ST3GAL3: variants seen among roughly 807,000 people sequenced by gnomAD.
ST3GAL3 encodes the protein CMP-N-acetylneuraminate-beta-1,4-galactoside alpha-2,3-sialyltransferase.
A neutral mutation model predicts 50.1 loss-of-function variants in ST3GAL3; 21 were observed. The ratio of observed to expected loss-of-function variants is 0.42; its 90% CI spans 0.30 to 0.60. ST3GAL3 has a LOEUF of 0.60. Ranked by LOEUF, ST3GAL3 falls within the 20% of genes least tolerant of loss-of-function variation. The probability of loss-of-function intolerance (pLI) is 0.19; values close to 1 mark genes in which losing one functional copy is unlikely to be tolerated. For synonymous variants in ST3GAL3, 183 were observed against 190.0 expected, an observed-to-expected ratio of 0.96 and a Z score of 0.30; for missense variants, 353 against 489.4, an observed-to-expected ratio of 0.72 and a Z score of 2.63.
chr1:43,733,013 C>T (rs138395392), intron 1 of ST3GAL3, among the ~76,000 whole-genome samples: 25 of 148,072 alleles, frequency 1.7e-4, no homozygotes, highest in African/African-American at 6.2e-4. Context: ...CAGCATCTCT[C>T]TGTTGCCCAG....
In ST3GAL3 at chr1:43,894,449, C is replaced by T. The variant is rs751856791; in HGVS notation, c.369C>T (p.Phe123=). The change falls in exon 6 of 12, where the codon TTC becomes TTT. Residue 123 remains phenylalanine (F), a synonymous_variant. Coordinates refer to ENST00000347631, the MANE Select transcript of ST3GAL3 (RefSeq NM_006279.5). ...SFRKWARIRE[F]VPPFGIKGQD... ...GCAAGTGGGCTAGAATCCGGGAGTT[C>T]GTGCCGCCTTTTGGGATCAAAGGTC... is the stretch of plus-strand genomic sequence containing the variant. 13 of 1,614,110 alleles carry T rather than the reference C, an allele frequency of 8.1e-6. No individual in the cohort carries two copies. The highest frequency in any genetic ancestry group is 3.3e-5 in the Admixed American group (2 of 60,024).
intron 9 of ST3GAL3, among the ~76,000 whole-genome samples, chr1:43,900,518 C>T (rs539287179): frequency 7.9e-5 from 12 of 151,880 alleles, no homozygotes; most frequent in African/African-American, 2.9e-4. Flanking sequence ...TTGTCCAGGC[C>T]CACTCCCCCA....
intron 6 of ST3GAL3, among the ~76,000 whole-genome samples, chr1:43,895,066 A>T (rs2077206806): frequency 6.6e-6 from 1 of 152,200 alleles, no homozygotes; most frequent in Non-Finnish European, 1.5e-5. Context: ...AGTTCTGGTG[A>T]GGGCAGTACA....
intron 1 of ST3GAL3, among the ~76,000 whole-genome samples, chr1:43,734,814 A>C (rs1467695272): frequency 6.6e-6 from 1 of 151,706 alleles, no homozygotes; most frequent in African/African-American, 2.4e-5. Context: ...TTTATACATC[A>C]TTTTTTTCTC....
intron 5 of ST3GAL3, among the ~76,000 whole-genome samples, chr1:43,875,488 C>A (rs923494400): frequency 2.6e-5 from 4 of 152,132 alleles, no homozygotes; most frequent in African/African-American, 9.7e-5. Flanking sequence ...ACCCATATTT[C>A]ATCTTGAATT....
Position 43,745,826 on chromosome 1 carries a change from G to A in ST3GAL3, c.118+9446G>A, listed in dbSNP as rs183362629. On this transcript the variant is annotated intron_variant, in intron 2 of 11. Coordinates refer to ENST00000347631, the MANE Select transcript of ST3GAL3 (RefSeq NM_006279.5). ...CTATTTTCAGTAGAGACAGGGCTTC[G>A]CCATGTTGGCCAGGCTGGTCTTGAA... Among the ~76,000 whole-genome samples the A allele has an allele frequency of 4.1e-4, 62 of 152,200 alleles. No individual in the cohort carries two copies. The South Asian group carries it at 5.0e-3, about 12-fold the overall frequency.
intron 3 of ST3GAL3, among the ~76,000 whole-genome samples, chr1:43,795,420 G>A (rs1241622404): frequency 6.6e-6 from 1 of 152,086 alleles, no homozygotes; most frequent in Non-Finnish European, 1.5e-5. Context: ...TACCAGCTTC[G>A]ACACCTAGTT....
At chr1:43,886,504 G>A (rs1341206698) in intron 5 of ST3GAL3, among the ~76,000 whole-genome samples, 1 of 152,138 alleles carries the variant, frequency 6.6e-6, no homozygotes, top group African/African-American at 2.4e-5. Flanking sequence ...CAATTATTAT[G>A]TGCCTATTAA....
intron 9 of ST3GAL3, among the ~76,000 whole-genome samples, chr1:43,905,659 T>C (rs145380389): frequency 0.12 from 246 of 2,136 alleles, 58 homozygotes; most frequent in South Asian, 0.5. Flanking sequence ...TCCTCCTGCT[T>C]CTCTTCCCGC....
At chr1:43,815,330 C>T (rs562519529) in intron 4 of ST3GAL3, among the ~76,000 whole-genome samples, 11 of 152,316 alleles carry the variant, frequency 7.2e-5, no homozygotes, top group African/African-American at 2.6e-4. Context: ...CCCTGTCTTA[C>T]TCTCCAGTTT....
intron 2 of ST3GAL3, among the ~76,000 whole-genome samples, chr1:43,748,389 T>G (rs902665572): frequency 6.6e-6 from 1 of 151,728 alleles, no homozygotes; most frequent in African/African-American, 2.4e-5. Flanking sequence ...GATGCCTATG[T>G]ATTGGAACAC....
At chr1:43,821,217 T>G (rs2062047685) in intron 4 of ST3GAL3, among the ~76,000 whole-genome samples, 1 of 152,210 alleles carries the variant, frequency 6.6e-6, no homozygotes, top group Non-Finnish European at 1.5e-5. Flanking sequence ...TAAAGGGTAG[T>G]ATTGCTGGAT....
At chr1:43,733,163 C>T (rs1489300697) in intron 1 of ST3GAL3, among the ~76,000 whole-genome samples, 1 of 152,018 alleles carries the variant, frequency 6.6e-6, no homozygotes, top group Non-Finnish European at 1.5e-5. Context: ...TCCAGCTAAT[C>T]TTAAAATTTT....
At chr1:43,774,458 G>C (rs1696445210) in intron 2 of ST3GAL3, among the ~76,000 whole-genome samples, 1 of 152,136 alleles carries the variant, frequency 6.6e-6, no homozygotes, top group African/African-American at 2.4e-5. Context: ...CCACTCTCTG[G>C]GATCTTCAGG....
chr1:43,723,040 GC>G (rs1471059005), intron 1 of ST3GAL3, among the ~76,000 whole-genome samples: 2 of 151,998 alleles, frequency 1.3e-5, no homozygotes, highest in Non-Finnish European at 2.9e-5. Flanking sequence ...TGCAGTCCCT[GC>G]ATAATGAGTG....
intron 4 of ST3GAL3, among the ~76,000 whole-genome samples, chr1:43,835,237 G>A (rs1249657914): frequency 6.6e-6 from 1 of 152,110 alleles, no homozygotes; most frequent in Non-Finnish European, 1.5e-5. Flanking sequence ...GCCTTAGAGA[G>A]ACTGACTATT....
intron 4 of ST3GAL3, among the ~76,000 whole-genome samples, chr1:43,815,580 C>T (rs1001592395): frequency 6.6e-6 from 1 of 152,166 alleles, no homozygotes; most frequent in Admixed American, 6.5e-5. Flanking sequence ...AGGGCACAGG[C>T]TCAGAGCTAG....
chr1:43,775,604 C>G lies in ST3GAL3; in HGVS notation c.119-16498C>G, dbSNP rs79880255. ...CAAATTCAGACATTTGCAAACACTT[C>G]GTGGGCTAAACCTAATACATCTGTG... On this transcript the variant is annotated intron_variant, in intron 2 of 11. Coordinates refer to ENST00000347631, the MANE Select transcript of ST3GAL3 (RefSeq NM_006279.5). Among the ~76,000 whole-genome samples the G allele has an allele frequency of 9.3e-3, 1,423 of 152,242 alleles. 32 individuals carry two copies. The highest frequency in any genetic ancestry group is 0.032 in the African/African-American group (1,342 of 41,532).
intron 5 of ST3GAL3, among the ~76,000 whole-genome samples, chr1:43,860,325 A>C (rs1314310997): frequency 1.3e-5 from 2 of 152,144 alleles, no homozygotes. Context: ...CGTGACCCAC[A>C]CTCAAGGCTG....
Sources: gnomAD v4.1 joint callset for allele counts (sites outside exome capture counted in the v4.1 genomes callset) on GRCh38, gnomAD v4.1.1 for gene constraint, MANE v1.5 for transcripts, NCBI Gene and HGNC (gene_info 2026-07-23, HGNC 2026-07-21) for gene names.